The following INPP4B variants were observed in gnomAD, a reference collection of about 807,000 sequenced individuals.
INPP4B encodes the protein inositol polyphosphate 4-phosphatase type II.
INPP4B carries 55 observed loss-of-function variants against 122.5 expected under a neutral mutation model. That is an observed-to-expected ratio of 0.45 (90% CI 0.36 to 0.56). The LOEUF (loss-of-function observed/expected upper bound fraction) is 0.56, where lower values mean the gene tolerates loss of function less well. Ranked by LOEUF, INPP4B falls within the 20% of genes least tolerant of loss-of-function variation. The pLI is 0.00. For synonymous variants in INPP4B, 403 were observed against 388.7 expected, an observed-to-expected ratio of 1.04 and a Z score of -0.43; for missense variants, 1,000 against 1,097.7, an observed-to-expected ratio of 0.91 and a Z score of 1.26.
At chr4:142,426,603 T>C (rs1011293093) in intron 5 of INPP4B, 3 of 151,976 alleles carry the variant, frequency 2.0e-5, no homozygotes, top group African/African-American at 7.2e-5. Flanking sequence ...TTTAGCCAAT[T>C]AGCTGCTCAA....
At chr4:142,678,600 A>T (rs1438774871) in intron 2 of INPP4B, among the ~76,000 whole-genome samples, 1 of 151,966 alleles carries the variant, frequency 6.6e-6, no homozygotes, top group South Asian at 2.1e-4. Context: ...TAATTAGAAG[A>T]CAGACTTGAC....
chr4:142,228,734 A>G (rs1298630961), intron 12 of INPP4B, among the ~76,000 whole-genome samples: 1 of 151,860 alleles, frequency 6.6e-6, no homozygotes, highest in Non-Finnish European at 1.5e-5. Flanking sequence ...TAAATATACA[A>G]TTAGAGATAA....
intron 3 of INPP4B, among the ~76,000 whole-genome samples, chr4:142,446,178 T>C (rs1464907297): frequency 2.0e-5 from 3 of 151,846 alleles, no homozygotes; most frequent in African/African-American, 7.2e-5. Context: ...AGATTTATTT[T>C]CCAGAATATA....
At chr4:142,738,336 A>G (rs75426418) in intron 1 of INPP4B, among the ~76,000 whole-genome samples, 4,130 of 152,270 alleles carry the variant, frequency 0.027, 75 homozygotes, top group Middle Eastern at 0.095. Context: ...GGAAACCATC[A>G]TTCTCAGCAA....
chr4:142,307,557 T>C (rs1181635110), intron 8 of INPP4B, among the ~76,000 whole-genome samples: 1 of 152,202 alleles, frequency 6.6e-6, no homozygotes, highest in Non-Finnish European at 1.5e-5. Context: ...TTCTATTACA[T>C]ATAGGAGAAA....
At chr4:142,756,184 G>T (rs192782635) in intron 1 of INPP4B, among the ~76,000 whole-genome samples, 1 of 152,016 alleles carries the variant, frequency 6.6e-6, no homozygotes, top group Non-Finnish European at 1.5e-5. Context: ...TTTGCTCCTC[G>T]ATGTTGTCAT....
intron 1 of INPP4B, among the ~76,000 whole-genome samples, chr4:142,809,253 GGT>G (rs1271487752): frequency 1.3e-5 from 2 of 151,884 alleles, no homozygotes; most frequent in Non-Finnish European, 2.9e-5. Flanking sequence ...GTACATAGTA[GGT>G]ATATATACTT....
At chr4:142,404,531 A>C (rs2149179767) in intron 6 of INPP4B, among the ~76,000 whole-genome samples, 1 of 152,354 alleles carries the variant, frequency 6.6e-6, no homozygotes, top group East Asian at 1.9e-4. Flanking sequence ...CTGATCCAAC[A>C]CAATAACAAG....
intron 2 of INPP4B, among the ~76,000 whole-genome samples, chr4:142,682,386 G>C (rs1758750987): frequency 1.3e-5 from 2 of 151,744 alleles, no homozygotes; most frequent in South Asian, 4.2e-4. Context: ...AATCTAAAGT[G>C]TTGTATCTTT....
intron 12 of INPP4B, among the ~76,000 whole-genome samples, chr4:142,209,836 TG>T (rs1844167131): frequency 2.8e-5 from 3 of 108,098 alleles, no homozygotes; most frequent in Admixed American, 1.9e-4. Context: ...AATAAATAAA[TG>T]GTATTGTCAC....
At chr4:142,363,847 A>G (rs1289587820) in intron 7 of INPP4B, among the ~76,000 whole-genome samples, 1 of 152,092 alleles carries the variant, frequency 6.6e-6, no homozygotes, top group East Asian at 1.9e-4. Flanking sequence ...AGGTAGGTTC[A>G]TCTGCATTCC....
At chr4:142,683,633 G>C (rs1361623451) in intron 2 of INPP4B, among the ~76,000 whole-genome samples, 1 of 151,032 alleles carries the variant, frequency 6.6e-6, no homozygotes, top group Non-Finnish European at 1.5e-5. Context: ...TAGGTTTCAT[G>C]GGAGACAACC....
intron 1 of INPP4B, among the ~76,000 whole-genome samples, chr4:142,813,151 A>G (rs1165402899): frequency 3.9e-5 from 6 of 152,206 alleles, no homozygotes; most frequent in Non-Finnish European, 7.3e-5. Context: ...AAAGAGACTC[A>G]TACATGTACT....
chr4:142,390,188 G>T (rs954351029), intron 7 of INPP4B, among the ~76,000 whole-genome samples: 1 of 152,092 alleles, frequency 6.6e-6, no homozygotes, highest in African/African-American at 2.4e-5. Flanking sequence ...AAAAATTGGG[G>T]ATAACATTAA....
At chr4:142,725,762 G>A (rs1018602757) in intron 2 of INPP4B, 77 bp downstream of exon 2, 8 of 395,068 alleles carry the variant, frequency 2.0e-5, no homozygotes, top group East Asian at 3.6e-5. Context: ...TATCTAAAAC[G>A]AATAATCAAG....
chr4:142,551,299 T>A (rs1459842127), intron 2 of INPP4B, among the ~76,000 whole-genome samples: 1 of 152,070 alleles, frequency 6.6e-6, no homozygotes, highest in African/African-American at 2.4e-5. Flanking sequence ...TTCAGCAGAG[T>A]CTGGGCTTAC....
intron 3 of INPP4B, among the ~76,000 whole-genome samples, chr4:142,431,802 TCCAC>T (rs1303239656): frequency 4.6e-5 from 7 of 152,094 alleles, no homozygotes. Context: ...CATCTCTCCA[TCCAC>T]CCTTGTTAGA....
At chr4:142,529,913 G>A (rs1347991703) in intron 2 of INPP4B, among the ~76,000 whole-genome samples, 2 of 151,990 alleles carry the variant, frequency 1.3e-5, no homozygotes, top group Non-Finnish European at 2.9e-5. Context: ...GAGAAACAGA[G>A]GTATGTTAAA....
At chr4:142,750,158 G>A (rs1320786745) in intron 1 of INPP4B, among the ~76,000 whole-genome samples, 1 of 151,832 alleles carries the variant, frequency 6.6e-6, no homozygotes, top group Non-Finnish European at 1.5e-5. Flanking sequence ...ACACTAAAAT[G>A]TAATATAATA....
Sources: allele counts gnomAD v4.1 joint callset (sites outside exome capture counted in the v4.1 genomes callset), GRCh38; gene constraint gnomAD v4.1.1; transcripts MANE v1.5; gene names NCBI Gene and HGNC (gene_info 2026-07-23, HGNC 2026-07-21).